Variants in FOXP2 observed in about 807,000 individuals in gnomAD.
FOXP2 encodes the protein forkhead box P2.
FOXP2 carries 12 observed loss-of-function variants against 115.8 expected under a neutral mutation model. The ratio of observed to expected loss-of-function variants is 0.10; its 90% CI spans 0.07 to 0.17. The LOEUF (loss-of-function observed/expected upper bound fraction) is 0.17, where lower values mean the gene tolerates loss of function less well. Ranked by LOEUF, FOXP2 falls within the 10% of genes least tolerant of loss-of-function variation. The probability of loss-of-function intolerance (pLI) is 1.00; values close to 1 mark genes in which losing one functional copy is unlikely to be tolerated. For synonymous variants in FOXP2, 328 were observed against 297.7 expected, an observed-to-expected ratio of 1.10 and a Z score of -1.05; for missense variants, 629 against 843.5, an observed-to-expected ratio of 0.75 and a Z score of 3.15.
At chr7:114,629,026 A>G (rs1804747805) in intron 4 of FOXP2, 1 of 277,614 alleles carries the variant, frequency 3.6e-6, no homozygotes, top group African/African-American at 2.3e-5. Flanking sequence ...AAAACTCCTA[A>G]CACCTTAGCA....
chr7:114,502,716 A>G (rs1261284238), intron 2 of FOXP2, among the ~76,000 whole-genome samples: 1 of 152,032 alleles, frequency 6.6e-6, no homozygotes, highest in East Asian at 1.9e-4. Flanking sequence ...GACGGTTTTC[A>G]TCTTTTCCCA....
At chr7:114,474,204 A>C (rs1336308105) in intron 2 of FOXP2, among the ~76,000 whole-genome samples, 1 of 152,260 alleles carries the variant, frequency 6.6e-6, no homozygotes, top group Non-Finnish European at 1.5e-5. Context: ...ACAACAGAAT[A>C]GCAAAGTCCA....
upstream of FOXP2, among the ~76,000 whole-genome samples, chr7:114,412,354 T>C (rs890034004): frequency 1.3e-5 from 2 of 152,156 alleles, no homozygotes; most frequent in African/African-American, 4.8e-5. Flanking sequence ...ATGCAGAGTG[T>C]AACATTTTCT....
At chr7:114,676,230 A>G (rs147241417) in intron 16 of FOXP2, among the ~76,000 whole-genome samples, 4,061 of 152,048 alleles carry the variant, frequency 0.027, 85 homozygotes, top group Middle Eastern at 0.12. Context: ...TACCCGGCCT[A>G]AAACGTTTTC....
chr7:114,647,872 C>T (rs550062040), intron 8 of FOXP2, among the ~76,000 whole-genome samples: 1 of 152,078 alleles, frequency 6.6e-6, no homozygotes, highest in Non-Finnish European at 1.5e-5. Context: ...TGTTCTTGAA[C>T]CTGCAAGCAT....
intron 3 of FOXP2, among the ~76,000 whole-genome samples, chr7:114,570,642 T>A (rs1226459287): frequency 6.6e-6 from 1 of 151,900 alleles, no homozygotes; most frequent in Non-Finnish European, 1.5e-5. Flanking sequence ...ATTTTTAAAA[T>A]CTATACTGGT....
chr7:114,220,557 TG>T (rs1794594954), intron 1 of FOXP2, among the ~76,000 whole-genome samples: 1 of 152,180 alleles, frequency 6.6e-6, no homozygotes, highest in South Asian at 2.1e-4. Context: ...GGATTTCAAG[TG>T]GCTTTAGACA....
At chr7:114,502,720 T>C (rs1185052820) in intron 2 of FOXP2, among the ~76,000 whole-genome samples, 1 of 152,118 alleles carries the variant, frequency 6.6e-6, no homozygotes, top group East Asian at 1.9e-4. Context: ...GTTTTCATCT[T>C]TTCCCATAAA....
intron 2 of FOXP2, among the ~76,000 whole-genome samples, chr7:114,517,039 C>G (rs1393045174): frequency 2.0e-5 from 3 of 151,588 alleles, no homozygotes; most frequent in Non-Finnish European, 4.4e-5. Context: ...AAATAATATC[C>G]ATTCTAACAG....
chr7:114,465,173 A>C (rs7785004), intron 2 of FOXP2, among the ~76,000 whole-genome samples: 1 of 152,256 alleles, frequency 6.6e-6, no homozygotes. Flanking sequence ...CCGTGTTGCC[A>C]AGACTGTTCT....
intron 2 of FOXP2, among the ~76,000 whole-genome samples, chr7:114,305,575 T>C (rs1423853281): frequency 6.6e-6 from 1 of 152,188 alleles, no homozygotes; most frequent in African/African-American, 2.4e-5. Flanking sequence ...ATTATTCTTA[T>C]AAAACCATTA....
intron 2 of FOXP2, among the ~76,000 whole-genome samples, chr7:114,321,726 T>A (rs1797426820): frequency 6.6e-6 from 1 of 152,112 alleles, no homozygotes; most frequent in Non-Finnish European, 1.5e-5. Flanking sequence ...GCTGGTAGAG[T>A]CTCCATGACA....
intron 11 of FOXP2, 65 bp downstream of exon 11, chr7:114,658,332 T>A: frequency 6.7e-7 from 1 of 1,490,726 alleles, no homozygotes; most frequent in Non-Finnish European, 9.3e-7. Flanking sequence ...CTGAATCAAC[T>A]GTACATGAGC....
chr7:114,443,538 A>G (rs1438628634), intron 2 of FOXP2, among the ~76,000 whole-genome samples: 2 of 152,150 alleles, frequency 1.3e-5, no homozygotes, highest in Non-Finnish European at 2.9e-5. Context: ...TAATAAGCAT[A>G]GTACCCTATA....
intron 3 of FOXP2, among the ~76,000 whole-genome samples, chr7:114,601,382 C>T (rs1410304518): frequency 1.3e-5 from 2 of 152,264 alleles, no homozygotes; most frequent in South Asian, 2.1e-4. Context: ...CATTGTCAAA[C>T]TCAAGGTCAC....
At chr7:114,463,615 G>A (rs369719325) in intron 2 of FOXP2, among the ~76,000 whole-genome samples, 46 of 152,196 alleles carry the variant, frequency 3.0e-4, no homozygotes, top group Non-Finnish European at 3.8e-4. Context: ...ATCATTTTAT[G>A]GGAAATTTTA....
chr7:114,371,278 G>T (rs1792001007), intron 2 of FOXP2, among the ~76,000 whole-genome samples: 5 of 144,182 alleles, frequency 3.5e-5, no homozygotes, highest in African/African-American at 1.3e-4. Context: ...TAGCAATAAG[G>T]TTTTGCCATG....
chr7:114,225,692 G>T (rs932915881), intron 1 of FOXP2, among the ~76,000 whole-genome samples: 2 of 151,998 alleles, frequency 1.3e-5, no homozygotes, highest in African/African-American at 4.8e-5. Context: ...GCCTCCAGGG[G>T]TCTTCCTGTC....
chr7:114,356,777 A>G (rs2129186809), intron 2 of FOXP2, among the ~76,000 whole-genome samples: 1 of 152,300 alleles, frequency 6.6e-6, no homozygotes, highest in African/African-American at 2.4e-5. Flanking sequence ...CAAAGACAGG[A>G]CATTCCCTGG....
Sources: allele counts gnomAD v4.1 joint callset (sites outside exome capture counted in the v4.1 genomes callset), GRCh38; gene constraint gnomAD v4.1.1; transcripts MANE v1.5; gene names NCBI Gene and HGNC (gene_info 2026-07-23, HGNC 2026-07-21).